The following BRPF1 variants were observed in gnomAD, a reference collection of about 807,000 sequenced individuals.
BRPF1 encodes the protein peregrin.
BRPF1 carries 15 observed loss-of-function variants against 115.0 expected under a neutral mutation model. The ratio of observed to expected loss-of-function variants is 0.13; its 90% confidence interval spans 0.09 to 0.20. The LOEUF (loss-of-function observed/expected upper bound fraction) is 0.20. Ranked by LOEUF, BRPF1 falls within the 10% of genes least tolerant of loss-of-function variation. The pLI is 1.00. For synonymous variants in BRPF1, 647 were observed against 619.8 expected (o/e 1.04, Z -0.65); for missense variants, 1,118 against 1,638.3 (o/e 0.68, Z 5.48).
In BRPF1 at chr3:9,743,782, G is replaced by T. The variant is rs768844191; in HGVS notation, c.2516G>T (p.Gly839Val). The part of the protein sequence containing the change: ...LAHQRETGRD[G>V]PERHGPSSRG... ...CATCAGCGAGAGACGGGACGTGATG[G>T]CCCTGAGCGGCATGGCCCCTCGAGC... The change falls in exon 8 of 14, where the codon GGC (glycine) becomes GTC (valine). Residue 839 changes from glycine (G) to valine (V), a missense_variant. This residue lies in a region of BRPF1 where 223 missense variants were observed against 240.7 expected (regional missense o/e 0.93). Transcript: ENST00000383829. The surrounding 1 kb of genome is among the most constrained non-coding windows in gnomAD (Gnocchi z 6.1). 6.2e-7 allele frequency: 1 copy of T among 1,614,076 alleles called. No individual in the cohort carries two copies. The highest frequency in any genetic ancestry group is 1.7e-5 in the Admixed American group (1 of 60,028).
In BRPF1 at chr3:9,734,416, T is replaced by C; in HGVS notation, c.276T>C (p.Tyr92=). ...CACCAGGCCGTGAGGTGATGAGCTA[T>C]GCACAGGCCCAGCGCATGGTGGAGG... ...SQSPGREVMS[Y]AQAQRMVEVD... is the part of the protein sequence containing the mutation. The change falls in exon 2 of 14, where the codon TAT becomes TAC. Residue 92 remains tyrosine, a synonymous_variant. Coordinates refer to ENST00000383829, the MANE Select transcript of BRPF1 (RefSeq NM_001003694.2). The surrounding 1 kb of genome is among the most constrained non-coding windows in gnomAD (Gnocchi z 5.7). 1 of 1,614,144 alleles carries C rather than the reference T, an allele frequency of 6.2e-7. No homozygotes were observed. The highest frequency in any genetic ancestry group is 1.3e-5 in the African/African-American group (1 of 75,016).
chr3:9,746,542 A>T (rs2077129954), intron 13 of BRPF1, 88 bp downstream of exon 13: 1 of 1,400,400 alleles, frequency 7.1e-7, no homozygotes, highest in African/African-American at 1.5e-5. Context: ...CTCCAGCAAC[A>T]GGCAGACTGG....
At chr3:9,740,338 G>A (rs1180597789) in intron 3 of BRPF1, among the ~76,000 whole-genome samples, 1 of 152,188 alleles carries the variant, frequency 6.6e-6, no homozygotes, top group Non-Finnish European at 1.5e-5. Flanking sequence ...TTGTGAAGTG[G>A]TTACTGCTGC....
At position 9,743,879 on chromosome 3, in the gene BRPF1, C is replaced by T. The variant is rs748427759; in HGVS notation, c.2613C>T (p.Ser871=). The change falls in exon 8 of 14, where the codon AGC becomes AGT. Residue 871 remains serine (S), a synonymous_variant. Transcript: ENST00000383829. The surrounding 1 kb of genome is among the most constrained non-coding windows in gnomAD (Gnocchi z 6.1). ...DGQTDSAAEE[S]SSQETSKGLG... is the part of the protein sequence containing the mutation. Reference sequence around the variant, plus strand: ...AGACAGATAGTGCGGCAGAGGAGAGCAGCAGCCAGGAGACAAGCAAAGGTC... The same window carrying T: ...AGACAGATAGTGCGGCAGAGGAGAGTAGCAGCCAGGAGACAAGCAAAGGTC... 1.3e-6 allele frequency: 2 copies of T among 1,581,708 alleles called. No individual in the cohort carries two copies. The highest frequency in any genetic ancestry group is 1.3e-5 in the African/African-American group (1 of 74,306).
At chr3:9,744,081 T>C in intron 8 of BRPF1, 143 bp from the exon 9 acceptor site, 1 of 1,289,500 alleles carries the variant, frequency 7.8e-7, no homozygotes, top group African/African-American at 1.5e-5. Context: ...TAAGAGTTAA[T>C]CTTCCAAATT....
Position 9,745,021 on chromosome 3 carries a change from T to C in BRPF1, c.2934T>C (p.Asn978=), listed in dbSNP as rs1247164943. ...TEDPPMDLPA[N]GFSGGNQPVK... ...CCTTCAACCAAGACTTACCAGCCAA[T>C]GGCTTCAGCGGTGGAAACCAACCAG... Residue 978 remains asparagine (N), a synonymous_variant, in exon 10 of 14, where the codon AAT becomes AAC. Transcript: ENST00000383829. This position sits in a 1 kb window ranked among gnomAD's most constrained non-coding sequence, Gnocchi z 5.1. 3 of 1,614,212 alleles carry C rather than the reference T, an allele frequency of 1.9e-6. No individual in the cohort carries two copies. In the South Asian group the frequency reaches 3.3e-5, roughly 18 times the overall value.
At position 9,734,685 on chromosome 3, in the gene BRPF1, G is replaced by A. The variant is rs770521119; in HGVS notation, c.545G>A (p.Arg182Gln). ...TTPKLPEVVYRELEQDTPDAP... is the reference protein window; with the variant it reads ...TTPKLPEVVYQELEQDTPDAP... ...CCCAAGCTGCCAGAGGTGGTCTATC[G>A]GGAGCTGGAACAGGACACCCCTGAT... Residue 182 changes from arginine (R) to glutamine (Q), a missense_variant, in exon 2 of 14, where the codon CGG becomes CAG. By Grantham distance (43) the Arg-to-Gln change is conservative. Around this residue, in one of 10 missense-constraint regions of BRPF1, gnomAD observed 280 missense variants for 382.8 expected, o/e 0.73. Transcript: ENST00000383829. This position sits in a 1 kb window ranked among gnomAD's most constrained non-coding sequence, Gnocchi z 5.7. 7.4e-6 allele frequency: 12 copies of A among 1,613,978 alleles called. No homozygotes were observed. Among genetic ancestry groups the A allele is most frequent in the Admixed American group, 1.7e-5 (1 of 59,996 alleles).
At chr3:9,740,966 C>A in intron 4 of BRPF1, 25 bp downstream of exon 4, 1 of 1,599,584 alleles carries the variant, frequency 6.3e-7, no homozygotes, top group Non-Finnish European at 8.5e-7. Context: ...TCCCTGTGGG[C>A]TCTGGGAACT....
chr3:9,735,017 C>CTTT (rs781439048), intron 2 of BRPF1, among the ~76,000 whole-genome samples: 82 of 120,186 alleles, frequency 6.8e-4, no homozygotes, highest in African/African-American at 2.1e-3. Flanking sequence ...CAGATTTATC[C>CTTT]TTTTTTTTTT....
Position 9,744,430 on chromosome 3 carries a change from C to T in BRPF1, c.2842C>T (p.Arg948Cys), listed in dbSNP as rs769221444. The T allele has an allele frequency of 6.2e-6, 10 of 1,610,386 alleles. No individual in the cohort carries two copies. The highest frequency in any genetic ancestry group is 5.4e-5 in the African/African-American group (4 of 74,692). ...CCCCATCATGAGTTCCCTGCGTCAG[C>T]GCAAGCGGGGTAGGAGCCCCCGGCC... is the stretch of plus-strand genomic sequence containing the variant. ...QLPIMSSLRQ[R>C]KRGRSPRPSS... Residue 948 changes from arginine to cysteine, a missense_variant, in exon 9 of 14, where the codon CGC becomes TGC. This residue lies in a region of BRPF1 where 92 missense variants were observed against 102.2 expected (regional missense o/e 0.90). Transcript: ENST00000383829.
At position 9,734,754 on chromosome 3, in the gene BRPF1, A is replaced by G. The variant is rs760599194; in HGVS notation, c.599+15A>G. 2 of 1,612,062 alleles carry G rather than the reference A, an allele frequency of 1.2e-6. No homozygotes were observed. The highest frequency in any genetic ancestry group is 2.7e-5 in the African/African-American group (2 of 74,838). ...TCCTATTACCGGTAAGGCCACCTCT[A>G]CCTTGCAGCTCTGGAAAACTGGTCA... On this transcript the variant is annotated intron_variant, in intron 2 of 13. Transcript: ENST00000383829. The surrounding 1 kb of genome is among the most constrained non-coding windows in gnomAD (Gnocchi z 5.7).
chr3:9,746,172 AGCATT>A, intron 12 of BRPF1, 123 bp from the exon 13 acceptor site: 1 of 1,247,818 alleles, frequency 8.0e-7, no homozygotes, highest in Non-Finnish European at 1.1e-6. Flanking sequence ...GCTGAGGGTC[AGCATT>A]GCAGTTCTAG....
At position 9,746,568 on chromosome 3, in the gene BRPF1, T is replaced by G. The variant is rs1415271770; in HGVS notation, c.3479+114T>G. The G allele has an allele frequency of 2.3e-6, 3 of 1,290,568 alleles. No homozygotes were observed. In the African/African-American group the frequency reaches 4.5e-5, roughly 19 times the overall value. The allele number at this position is 1,290,568 out of a possible 1,614,324, so 79.9% of individuals were successfully genotyped here. On this transcript the variant is annotated intron_variant, in intron 13 of 13. Coordinates refer to ENST00000383829, the MANE Select transcript of BRPF1 (RefSeq NM_001003694.2). ...GGCAGACTGGGCTATCACAAGTCAGTGGGGGAGGGACTTAGAACAGTTTTT... is the reference window on the plus strand; with the variant it reads ...GGCAGACTGGGCTATCACAAGTCAGGGGGGGAGGGACTTAGAACAGTTTTT...
Position 9,747,107 on chromosome 3 carries a change from G to T in BRPF1, c.3480-59G>T. On this transcript the variant is annotated intron_variant, in intron 13 of 13. Transcript: ENST00000383829. This position sits in a 1 kb window ranked among gnomAD's most constrained non-coding sequence, Gnocchi z 5.6. ...GTGGTGTGTTTGAGTGAATAGAGGAGGAAGGCTGGTCCTTGTTCTCCCTGA... is the reference window on the plus strand; with the variant it reads ...GTGGTGTGTTTGAGTGAATAGAGGATGAAGGCTGGTCCTTGTTCTCCCTGA... 6.3e-7 allele frequency: 1 copy of T among 1,588,844 alleles called. No individual in the cohort carries two copies. Among genetic ancestry groups the T allele is most frequent in the South Asian group, 1.1e-5 (1 of 88,110 alleles).
chr3:9,737,755 A>C (rs563549768), intron 2 of BRPF1, among the ~76,000 whole-genome samples: 2 of 152,348 alleles, frequency 1.3e-5, no homozygotes, highest in Admixed American at 6.5e-5. Flanking sequence ...GGCATTTTAC[A>C]CCAAGGTGCT....
Position 9,745,888 on chromosome 3 carries a change from C to G in BRPF1, c.3282C>G (p.Leu1094=). ...DEDSPLDALD[L]VWAKCRGYPS... ...ACTCCCCGCTGGATGCTCTGGACCT[C>G]GTGTGGGCCAAATGCCGAGGCTATC... is the stretch of plus-strand genomic sequence containing the variant. Residue 1094 remains leucine, a synonymous_variant, in exon 12 of 14, where the codon CTC becomes CTG. Transcript: ENST00000383829. The surrounding 1 kb of genome is among the most constrained non-coding windows in gnomAD (Gnocchi z 5.1). 1.2e-6 allele frequency: 2 copies of G among 1,614,156 alleles called. No individual in the cohort carries two copies. The highest frequency in any genetic ancestry group is 8.5e-7 in the Non-Finnish European group (1 of 1,180,024).
intron 2 of BRPF1, among the ~76,000 whole-genome samples, chr3:9,736,267 A>T (rs1165126237): frequency 1.3e-5 from 2 of 152,096 alleles, no homozygotes; most frequent in Non-Finnish European, 2.9e-5. Context: ...CAGCCTCCCA[A>T]AGTGCTGGGA....
Position 9,741,411 on chromosome 3 carries a change from G to A in BRPF1, c.1826G>A (p.Arg609His). Reference protein sequence around the residue: ...ERARLLVELIRKREKLKRETI... With the variant: ...ERARLLVELIHKREKLKRETI... ...GCTCGGCTGCTCGTGGAATTGATCC[G>A]CAAGCGGGAAAAACTCAAAAGGGAG... Residue 609 changes from arginine to histidine, a missense_variant, in exon 5 of 14, where the codon CGC (arginine) becomes CAC (histidine). This residue lies in a region of BRPF1 where 178 missense variants were observed against 303.7 expected (regional missense o/e 0.59). Transcript: ENST00000383829. 4 of 1,603,732 alleles carry A rather than the reference G, an allele frequency of 2.5e-6. No homozygotes were observed. Among genetic ancestry groups the A allele is most frequent in the Non-Finnish European group, 3.4e-6 (4 of 1,173,494 alleles).
At position 9,744,257 on chromosome 3, in the gene BRPF1, A is replaced by G. The variant is rs779196647; in HGVS notation, c.2669A>G (p.His890Arg). 6 of 1,578,950 alleles carry G rather than the reference A, an allele frequency of 3.8e-6. No individual in the cohort carries two copies. Among genetic ancestry groups the G allele is most frequent in the Non-Finnish European group, 4.3e-6 (5 of 1,162,156 alleles). ...CCCAACATGTCCTCAACCCCCGCACATGAGGTGGGCAGGAGAACCTCAGTT... is the reference window on the plus strand; with the variant it reads ...CCCAACATGTCCTCAACCCCCGCACGTGAGGTGGGCAGGAGAACCTCAGTT... Reference protein sequence around the residue: ...LGPNMSSTPAHEVGRRTSVLF... With the variant: ...LGPNMSSTPAREVGRRTSVLF... The change falls in exon 9 of 14, where the codon CAT becomes CGT. Residue 890 changes from histidine (H) to arginine (R), a missense_variant. By Grantham distance (29) the His-to-Arg change is conservative. Around this residue, in one of 10 missense-constraint regions of BRPF1, gnomAD observed 223 missense variants for 240.7 expected, o/e 0.93. Transcript: ENST00000383829.
Sources: allele counts gnomAD v4.1 joint callset (sites outside exome capture counted in the v4.1 genomes callset), GRCh38; gene constraint gnomAD v4.1.1; regional missense constraint gnomAD v4.1.1; non-coding constraint Gnocchi (gnomAD v3.1); transcripts MANE v1.5; gene names NCBI Gene and HGNC (gene_info 2026-07-23, HGNC 2026-07-21).